The following CERS6 variants were observed in gnomAD, a reference collection of about 807,000 sequenced individuals.
CERS6 encodes the protein LAG1 homolog, ceramide synthase 6.
A neutral mutation model predicts 56.8 loss-of-function variants in CERS6; 26 were observed. That is an observed-to-expected ratio of 0.46 (90% CI 0.34 to 0.63). CERS6 has a LOEUF of 0.63. Among genes scored for constraint, CERS6 ranks in the 30% least tolerant of loss-of-function variants. The pLI is 0.01. For synonymous variants in CERS6, 164 were observed against 173.3 expected (o/e 0.95, Z 0.42); for missense variants, 415 against 467.5 (o/e 0.89, Z 1.04).
intron 3 of CERS6, among the ~76,000 whole-genome samples, chr2:168,582,411 A>G (rs1683435604): frequency 2.6e-5 from 4 of 152,138 alleles, no homozygotes; most frequent in African/African-American, 9.7e-5. Flanking sequence ...AGAGCTTCTT[A>G]CTATCTTGTC....
chr2:168,753,926 G>T (rs1000169076), intron 8 of CERS6, among the ~76,000 whole-genome samples: 1 of 152,066 alleles, frequency 6.6e-6, no homozygotes, highest in Admixed American at 6.6e-5. Context: ...CCTTCCTGCC[G>T]CCCACGCCAT....
chr2:168,465,262 C>T (rs1693850649), intron 1 of CERS6, among the ~76,000 whole-genome samples: 1 of 152,172 alleles, frequency 6.6e-6, no homozygotes, highest in Non-Finnish European at 1.5e-5. Context: ...GTTTTGGAGG[C>T]TGGAGAGTCC....
At chr2:168,614,975 C>A (rs1055453348) in intron 3 of CERS6, among the ~76,000 whole-genome samples, 1 of 152,110 alleles carries the variant, frequency 6.6e-6, no homozygotes, top group African/African-American at 2.4e-5. Flanking sequence ...CCATTTCACC[C>A]CCCCTGCCAC....
intron 8 of CERS6, among the ~76,000 whole-genome samples, chr2:168,751,216 C>G (rs949996348): frequency 1.3e-5 from 2 of 152,176 alleles, no homozygotes; most frequent in African/African-American, 4.8e-5. Context: ...TACTGCAATA[C>G]TAACAACCAG....
intron 8 of CERS6, among the ~76,000 whole-genome samples, chr2:168,728,697 G>C (rs908551037): frequency 3.3e-5 from 5 of 151,620 alleles, no homozygotes; most frequent in Non-Finnish European, 5.9e-5. Context: ...TTTGTGACTT[G>C]AATCAACAAA....
At chr2:168,665,951 A>ACT (rs1685747552) in intron 4 of CERS6, among the ~76,000 whole-genome samples, 1 of 76,108 alleles carries the variant, frequency 1.3e-5, no homozygotes, top group Non-Finnish European at 2.4e-5. Flanking sequence ...AAATTAGTAG[A>ACT]CTGTGTGTGT....
intron 3 of CERS6, among the ~76,000 whole-genome samples, chr2:168,580,009 A>G (rs141959927): frequency 6.6e-6 from 1 of 152,300 alleles, no homozygotes; most frequent in African/African-American, 2.4e-5. Context: ...CTCTATGCCA[A>G]CTTCTGCGCT....
rs376668608 is a variant in CERS6 at position 168,638,480 on chromosome 2, A to G, written c.465+7438A>G. Among the ~76,000 whole-genome samples, 11 of 152,240 alleles carry G rather than the reference A, an allele frequency of 7.2e-5. No individual in the cohort carries two copies. In the East Asian group the frequency reaches 1.9e-3, roughly 27 times the overall value. On this transcript the variant is annotated intron_variant, in intron 4 of 9. Coordinates refer to ENST00000305747, the MANE Select transcript of CERS6 (RefSeq NM_203463.3). ...ACACATTACCCCCAAAACATGTACA[A>G]CTACTATATATCAATTAAAATATAT...
At chr2:168,668,838 T>C (rs1468576771) in intron 4 of CERS6, among the ~76,000 whole-genome samples, 2 of 152,236 alleles carry the variant, frequency 1.3e-5, no homozygotes, top group Non-Finnish European at 2.9e-5. Flanking sequence ...ATTATTTTAC[T>C]TTATTGCTTC....
chr2:168,499,571 AT>A lies in CERS6; in HGVS notation c.170+42959del, dbSNP rs1694541605. 3.3e-5 allele frequency among the ~76,000 whole-genome samples: 5 copies of A among 151,964 alleles called. No individual in the cohort carries two copies. The South Asian group carries it at 1.0e-3, about 32-fold the overall frequency. ...TTGTAACCCTTTGGCTTGTTTGGAA[AT>A]TTTTTCTGTATGGGTTTCTACCTCA... On this transcript the variant is annotated intron_variant, in intron 1 of 9. Coordinates refer to ENST00000305747, the MANE Select transcript of CERS6 (RefSeq NM_203463.3).
At chr2:168,511,294 G>A (rs1694783254) in intron 1 of CERS6, among the ~76,000 whole-genome samples, 1 of 152,134 alleles carries the variant, frequency 6.6e-6, no homozygotes, top group Non-Finnish European at 1.5e-5. Flanking sequence ...TAAATGTCCT[G>A]GGTTTTTGTA....
At chr2:168,547,767 A>G in intron 2 of CERS6, 66 bp downstream of exon 2, 7 of 1,123,722 alleles carry the variant, frequency 6.2e-6, no homozygotes, top group South Asian at 1.3e-5. Context: ...CTGTCATTCA[A>G]TTTGTCCCCT....
At chr2:168,639,726 G>A (rs1482130062) in intron 4 of CERS6, among the ~76,000 whole-genome samples, 1 of 152,112 alleles carries the variant, frequency 6.6e-6, no homozygotes, top group Non-Finnish European at 1.5e-5. Flanking sequence ...CAGAGCAGCA[G>A]GAATTCCGAT....
At chr2:168,732,241 G>T (rs1228525991) in intron 8 of CERS6, among the ~76,000 whole-genome samples, 1 of 152,058 alleles carries the variant, frequency 6.6e-6, no homozygotes, top group African/African-American at 2.4e-5. Flanking sequence ...TGTTATAATG[G>T]AATTGTTTGG....
intron 1 of CERS6, among the ~76,000 whole-genome samples, chr2:168,465,963 A>G (rs181708009): frequency 1.3e-5 from 2 of 152,112 alleles, no homozygotes; most frequent in Admixed American, 6.5e-5. Flanking sequence ...TTTTCTAGTT[A>G]GGAACAAACA....
At chr2:168,595,058 A>C (rs969258053) in intron 3 of CERS6, among the ~76,000 whole-genome samples, 1 of 152,212 alleles carries the variant, frequency 6.6e-6, no homozygotes, top group Admixed American at 6.5e-5. Flanking sequence ...TCTTAGGTAC[A>C]GGAAGGCATC....
chr2:168,729,132 A>G (rs1683443263), intron 8 of CERS6, among the ~76,000 whole-genome samples: 1 of 152,192 alleles, frequency 6.6e-6, no homozygotes, highest in African/African-American at 2.4e-5. Flanking sequence ...GAAAAAATAA[A>G]AAGATTGTTT....
At chr2:168,710,926 A>T (rs1164117655) in intron 6 of CERS6, among the ~76,000 whole-genome samples, 1 of 152,238 alleles carries the variant, frequency 6.6e-6, no homozygotes, top group Non-Finnish European at 1.5e-5. Context: ...CTCAATGCTC[A>T]GTTCTGCCAT....
intron 1 of CERS6, among the ~76,000 whole-genome samples, chr2:168,501,918 G>A (rs1405119229): frequency 6.6e-6 from 1 of 152,214 alleles, no homozygotes; most frequent in African/African-American, 2.4e-5. Flanking sequence ...AGGGAAAGCT[G>A]CAACCCAGTG....
Sources: gnomAD v4.1 joint callset for allele counts (sites outside exome capture counted in the v4.1 genomes callset) on GRCh38, gnomAD v4.1.1 for gene constraint, MANE v1.5 for transcripts, NCBI Gene and HGNC (gene_info 2026-07-23, HGNC 2026-07-21) for gene names.